GSG1L: variants seen among roughly 807,000 people sequenced by gnomAD.
GSG1L encodes GSG1 like, also known as germ cell-specific gene 1-like protein.
Under a neutral mutation model 42.1 loss-of-function variants are expected in GSG1L, and 24 were observed. That is an observed-to-expected ratio of 0.57 (90% CI 0.41 to 0.80). GSG1L has a LOEUF of 0.80. GSG1L is among the 30% of genes least tolerant of loss of function. GSG1L has a pLI of 0.00. For missense variants in GSG1L, 445 were observed against 472.2 expected (o/e 0.94, Z 0.53); for synonymous variants, 215 against 203.5 (o/e 1.06, Z -0.48).
At chr16:27,953,086 GT>G (rs1285801838) in intron 2 of GSG1L, among the ~76,000 whole-genome samples, 4 of 152,096 alleles carry the variant, frequency 2.6e-5, no homozygotes, top group African/African-American at 9.7e-5. Context: ...AGTCATATTT[GT>G]TTTTTTCTTT....
At chr16:27,824,060 G>T (rs1168723479) in intron 5 of GSG1L, 4 of 646,704 alleles carry the variant, frequency 6.2e-6, no homozygotes, top group Admixed American at 2.1e-5. Flanking sequence ...AAATACCCTC[G>T]CCATCTCCAT....
At chr16:27,964,323 C>CAA (rs11306598) in intron 1 of GSG1L, among the ~76,000 whole-genome samples, 7 of 126,544 alleles carry the variant, frequency 5.5e-5, no homozygotes, top group African/African-American at 6.5e-5. Context: ...GACTCTGTCT[C>CAA]AAAAAAAAAA....
chr16:27,883,587 T>C (rs2083988981), intron 3 of GSG1L, among the ~76,000 whole-genome samples: 1 of 152,210 alleles, frequency 6.6e-6, no homozygotes, highest in Admixed American at 6.5e-5. Context: ...CTCATCGTTT[T>C]GGTTTCATTA....
At chr16:27,897,046 C>T (rs139541964) in intron 2 of GSG1L, among the ~76,000 whole-genome samples, 1 of 152,234 alleles carries the variant, frequency 6.6e-6, no homozygotes, top group African/African-American at 2.4e-5. Flanking sequence ...GTATTTTTAG[C>T]AGAGACAGTG....
At chr16:27,898,366 A>G (rs942181736) in intron 2 of GSG1L, among the ~76,000 whole-genome samples, 182 of 20,590 alleles carry the variant, frequency 8.8e-3, no homozygotes, top group African/African-American at 0.032. Context: ...ACCCCCTGCG[A>G]GGTCTTCTTG....
At chr16:27,992,676 G>A (rs1044677558) in intron 1 of GSG1L, among the ~76,000 whole-genome samples, 1 of 152,152 alleles carries the variant, frequency 6.6e-6, no homozygotes, top group African/African-American at 2.4e-5. Flanking sequence ...GGTTTGCATA[G>A]ATCTGCTCAT....
chr16:28,057,288 C>T (rs891454128), intron 1 of GSG1L, among the ~76,000 whole-genome samples: 2 of 152,168 alleles, frequency 1.3e-5, no homozygotes, highest in East Asian at 1.9e-4. Flanking sequence ...GGGGGAGCTG[C>T]GGGGCAAGGT....
Position 28,031,027 on chromosome 16 carries a change from T to C in GSG1L, c.349+32049A>G, listed in dbSNP as rs376092453. 1.1e-3 allele frequency among the ~76,000 whole-genome samples: 133 copies of C among 119,452 alleles called. 3 individuals carry two copies. In the Middle Eastern group the frequency reaches 0.04, roughly 36 times the overall value. The allele number at this position is 119,452 out of a possible 152,430, so 78.4% of individuals were successfully genotyped here. A position where few individuals can be genotyped will look rare whatever the true frequency, so the allele number is the denominator to read the frequency against. On this transcript the variant is annotated intron_variant, in intron 1 of 6. Transcript: ENST00000447459. Reference sequence around the variant, plus strand: ...ATGGGATGGGAGGGATGGGATTGGATGGGATGGTATGGGATGAATGGGGTG... The same window carrying C: ...ATGGGATGGGAGGGATGGGATTGGACGGGATGGTATGGGATGAATGGGGTG...
intron 1 of GSG1L, among the ~76,000 whole-genome samples, chr16:28,007,700 A>G (rs2085660654): frequency 2.0e-5 from 3 of 152,072 alleles, no homozygotes; most frequent in Admixed American, 2.0e-4. Flanking sequence ...TTATCTGTAG[A>G]GATGGGGGTC....
At chr16:27,857,657 CTTT>C (rs372587902) in intron 3 of GSG1L, among the ~76,000 whole-genome samples, 20 of 152,060 alleles carry the variant, frequency 1.3e-4, no homozygotes, top group African/African-American at 4.6e-4. Context: ...TAATTTCCTT[CTTT>C]GTTTTGAGCT....
intron 2 of GSG1L, among the ~76,000 whole-genome samples, chr16:27,918,386 G>A (rs182370432): frequency 1.3e-5 from 2 of 152,252 alleles, no homozygotes; most frequent in African/African-American, 4.8e-5. Context: ...GGCCTGGCGT[G>A]GTGGCTCATG....
chr16:27,960,435 T>C (rs748935223), intron 2 of GSG1L, among the ~76,000 whole-genome samples: 11 of 152,028 alleles, frequency 7.2e-5, no homozygotes, highest in African/African-American at 1.2e-4. Context: ...GCGATTATCG[T>C]ATGTGGCAGA....
intron 2 of GSG1L, among the ~76,000 whole-genome samples, chr16:27,890,929 G>A (rs751883488): frequency 2.6e-5 from 4 of 152,144 alleles, no homozygotes; most frequent in Non-Finnish European, 4.4e-5. Flanking sequence ...GTGGAAGTGC[G>A]GCAGACACAG....
chr16:28,020,158 CA>C (rs2085824558), intron 1 of GSG1L, among the ~76,000 whole-genome samples: 2 of 152,192 alleles, frequency 1.3e-5, no homozygotes, highest in African/African-American at 4.8e-5. Context: ...CCAAAGAGAT[CA>C]AAATCGGCCC....
chr16:27,884,576 T>C lies in GSG1L; in HGVS notation c.460A>G (p.Ser154Gly). Residue 154 changes from serine to glycine, a missense_variant, in exon 3 of 7, where the codon AGC becomes GGC. Physicochemically the swap from Ser to Gly is moderately conservative, Grantham distance 56 (BLOSUM62 0). Coordinates refer to ENST00000447459, the MANE Select transcript of GSG1L (RefSeq NM_001109763.2). This position sits in a 1 kb window ranked among gnomAD's most constrained non-coding sequence, Gnocchi z 4.4. ...TGGAAGAGCTCGAGACACATGAGGC[T>C]GAAGCCAACCACCAGCAGCAGAATG... ...LYILLLVVGFSLMCLELFHSS... is the reference protein window; with the variant it reads ...LYILLLVVGFGLMCLELFHSS... The C allele has an allele frequency of 1.2e-6, 2 of 1,613,064 alleles. No individual in the cohort carries two copies.
At chr16:27,916,927 C>G (rs927185549) in intron 2 of GSG1L, among the ~76,000 whole-genome samples, 1 of 151,996 alleles carries the variant, frequency 6.6e-6, no homozygotes, top group Non-Finnish European at 1.5e-5. Flanking sequence ...TTAAGAGTGT[C>G]CAGGCAAGAT....
intron 3 of GSG1L, among the ~76,000 whole-genome samples, chr16:27,868,435 A>T (rs1197693141): frequency 1.3e-5 from 2 of 152,262 alleles, no homozygotes; most frequent in African/African-American, 4.8e-5. Context: ...TATGGCCGTA[A>T]ATACGGCAAG....
chr16:27,842,695 G>A (rs951562221), intron 4 of GSG1L, among the ~76,000 whole-genome samples: 2 of 152,108 alleles, frequency 1.3e-5, no homozygotes, highest in African/African-American at 4.8e-5. Context: ...AATGGGTCAA[G>A]GTCCCTTTAA....
intron 1 of GSG1L, among the ~76,000 whole-genome samples, chr16:28,062,098 AG>A (rs1170730456): frequency 6.6e-6 from 1 of 152,154 alleles, no homozygotes; most frequent in African/African-American, 2.4e-5. Context: ...TTGGAGAAAG[AG>A]GTCAATTCAC....
Sources: allele counts gnomAD v4.1 joint callset (sites outside exome capture counted in the v4.1 genomes callset), GRCh38; gene constraint gnomAD v4.1.1; non-coding constraint Gnocchi (gnomAD v3.1); transcripts MANE v1.5; gene names NCBI Gene and HGNC (gene_info 2026-07-23, HGNC 2026-07-21).